Variants in MICAL3 observed in about 807,000 individuals in gnomAD.
The protein encoded by MICAL3 is microtubule associated monooxygenase, calponin and LIM domain containing 3, also known as [F-actin]-monooxygenase MICAL3.
In MICAL3, 62 loss-of-function variants were observed where a neutral mutation model predicts 207.4. The observed-to-expected ratio is 0.30, with a 90% confidence interval of 0.24 to 0.37. MICAL3 has a LOEUF of 0.37. Ranked by LOEUF, MICAL3 falls within the 10% of genes least tolerant of loss-of-function variation. MICAL3 has a pLI of 1.00. For missense variants in MICAL3, 2,368 were observed against 2,635.6 expected (o/e 0.90, Z 2.22); for synonymous variants, 1,077 against 1,069.3 (o/e 1.01, Z -0.14).
At position 17,808,873 on chromosome 22, in the gene MICAL3, G is replaced by C; in HGVS notation, c.5621C>G (p.Ala1874Gly). The C allele has an allele frequency of 6.4e-7, 1 of 1,553,074 alleles. No individual in the cohort carries two copies. Among genetic ancestry groups the C allele is most frequent in the Non-Finnish European group, 8.7e-7 (1 of 1,148,084 alleles). The change falls in exon 29 of 32, where the codon GCT becomes GGT. Residue 1874 changes from alanine (A) to glycine (G), a missense_variant. Around this residue, in one of 4 missense-constraint regions of MICAL3, gnomAD observed 1,770 missense variants for 1,863.2 expected, o/e 0.95. Transcript: ENST00000441493. ...RQRRLEERGV[A>G]VEKALRGEAG... is the part of the protein sequence containing the mutation. Reference sequence around the variant, plus strand: ...TTCGCCCCGGAGCGCCTTCTCCACAGCCACGCCCCTTTCCTCCAGCCGCCG... The same window carrying C: ...TTCGCCCCGGAGCGCCTTCTCCACACCCACGCCCCTTTCCTCCAGCCGCCG...
chr22:17,875,395 G>C (rs866523071), intron 16 of MICAL3: 1 of 1,187,084 alleles, frequency 8.4e-7, no homozygotes, highest in South Asian at 1.6e-5. Flanking sequence ...CGAAAGTGAC[G>C]TGAGTGGAGG....
Position 17,990,297 on chromosome 22 carries a change from A to C in MICAL3, c.-75+33984T>G, listed in dbSNP as rs1602360616. Among the ~76,000 whole-genome samples the C allele has an allele frequency of 2.6e-5, 4 of 152,282 alleles. No homozygotes were observed. In the South Asian group the frequency reaches 8.3e-4, roughly 32 times the overall value. On this transcript the variant is annotated intron_variant, in intron 1 of 31. Coordinates refer to ENST00000441493, the MANE Select transcript of MICAL3 (RefSeq NM_015241.3). The stretch of plus-strand genomic sequence containing the variant: ...TCATTCTCACCCATCCAAACACCGC[A>C]AAGAAACCTGTGCTGACTCACTGGA...
chr22:17,867,345 G>A (rs1927258752), intron 17 of MICAL3, among the ~76,000 whole-genome samples: 1 of 152,232 alleles, frequency 6.6e-6, no homozygotes, highest in Admixed American at 6.5e-5. Context: ...TTCTCCACCA[G>A]GGGAGTGGAG....
chr22:17,877,480 A>G (rs1214499469), intron 16 of MICAL3, among the ~76,000 whole-genome samples: 1 of 131,076 alleles, frequency 7.6e-6, no homozygotes, highest in Non-Finnish European at 1.6e-5. Context: ...GAGGTTAGGG[A>G]GGTTATGGAG....
chr22:17,830,465 G>A (rs1922685151), intron 21 of MICAL3, among the ~76,000 whole-genome samples: 1 of 152,250 alleles, frequency 6.6e-6, no homozygotes, highest in African/African-American at 2.4e-5. Flanking sequence ...AAAAGGGAAC[G>A]TGCTTCGACC....
At chr22:17,850,203 G>A (rs531384099) in intron 19 of MICAL3, among the ~76,000 whole-genome samples, 1 of 152,050 alleles carries the variant, frequency 6.6e-6, no homozygotes, top group South Asian at 2.1e-4. Flanking sequence ...AAACCCAATA[G>A]GGAACAAACC....
chr22:17,832,247 G>C (rs1474251331), intron 20 of MICAL3, 140 bp from the exon 21 acceptor site: 2 of 1,143,542 alleles, frequency 1.7e-6, no homozygotes, highest in Non-Finnish European at 2.4e-6. Context: ...AGGGAGGAGA[G>C]AGCGGCATCA....
Position 17,902,504 on chromosome 22 carries a change from C to T in MICAL3, c.589+127G>A. 1 of 590,234 alleles carries T rather than the reference C, an allele frequency of 1.7e-6. No individual in the cohort carries two copies. Among genetic ancestry groups the T allele is most frequent in the East Asian group, 2.9e-5 (1 of 34,820 alleles). The allele number at this position is 590,234 out of a possible 1,614,324, so 36.6% of individuals were successfully genotyped here. A position where few individuals can be genotyped will look rare whatever the true frequency, so the allele number is the denominator to read the frequency against. ...CTAAGGCTGCATCCAGGCCAAGTCC[C>T]CAAAGGCACAGGCTTTGGCTAGCTC... On this transcript the variant is annotated intron_variant, in intron 4 of 31. Transcript: ENST00000441493. This position sits in a 1 kb window ranked among gnomAD's most constrained non-coding sequence, Gnocchi z 4.5.
At chr22:17,897,934 G>A (rs1742645292) in intron 7 of MICAL3, among the ~76,000 whole-genome samples, 5 of 152,152 alleles carry the variant, frequency 3.3e-5, no homozygotes, top group Admixed American at 1.3e-4. Flanking sequence ...CTCTGAAAGT[G>A]GGGCCTACGG....
chr22:17,819,942 CAAAAAAAAAAAAA>C (rs58418733), intron 25 of MICAL3, among the ~76,000 whole-genome samples: 10 of 67,662 alleles, frequency 1.5e-4, no homozygotes, highest in South Asian at 7.0e-4. Context: ...GACTCCATCT[CAAAAAAAAAAAAA>C]AAAAAAAAAA....
At position 17,789,941 on chromosome 22, in the gene MICAL3, A is replaced by T. The variant is rs1271281350; in HGVS notation, c.*791T>A. On this transcript the variant is annotated 3_prime_UTR_variant, in exon 32 of 32. Coordinates refer to ENST00000441493, the MANE Select transcript of MICAL3 (RefSeq NM_015241.3). Reference sequence around the variant, plus strand: ...AAGGTCATCTCCTGTCCCGACATAAATGTGGAACAGGGACAATGCCTGTCT... The same window carrying T: ...AAGGTCATCTCCTGTCCCGACATAATTGTGGAACAGGGACAATGCCTGTCT... 1 of 152,238 alleles carries T rather than the reference A, an allele frequency of 6.6e-6. No individual in the cohort carries two copies. Among genetic ancestry groups the T allele is most frequent in the African/African-American group, 2.4e-5 (1 of 41,452 alleles). The allele number at this position is 152,238 out of a possible 1,614,324, so 9.4% of individuals were successfully genotyped here. A position where few individuals can be genotyped will look rare whatever the true frequency, so the allele number is the denominator to read the frequency against.
chr22:17,805,120 G>A (rs1281858734), intron 29 of MICAL3, among the ~76,000 whole-genome samples: 1 of 152,236 alleles, frequency 6.6e-6, no homozygotes, highest in African/African-American at 2.4e-5. Context: ...ACCCCCAAGT[G>A]AGATGATGGC....
intron 1 of MICAL3, among the ~76,000 whole-genome samples, chr22:17,976,614 G>C (rs1346827664): frequency 2.1e-5 from 2 of 94,034 alleles, no homozygotes. Context: ...TTTTGAGACA[G>C]AGTCTCACTC....
At chr22:18,016,167 C>A (rs1056421844) in intron 1 of MICAL3, among the ~76,000 whole-genome samples, 5 of 152,074 alleles carry the variant, frequency 3.3e-5, no homozygotes, top group Non-Finnish European at 1.5e-5. Flanking sequence ...TTTACTGTAA[C>A]CTCAATAGCA....
At chr22:17,945,105 C>T (rs1358245044) in intron 1 of MICAL3, among the ~76,000 whole-genome samples, 1 of 150,268 alleles carries the variant, frequency 6.7e-6, no homozygotes, top group Non-Finnish European at 1.5e-5. Flanking sequence ...TCAGTCTATA[C>T]CTATTAGGGC....
Position 17,889,142 on chromosome 22 carries a change from T to A in MICAL3, c.1783A>T (p.Ile595Phe). The change falls in exon 13 of 32, where the codon ATC becomes TTC. Residue 595 changes from isoleucine (I) to phenylalanine (F), a missense_variant. Ile to Phe is a conservative substitution (Grantham distance 21, BLOSUM62 0). Transcript: ENST00000441493. ...GAGGCCATTTCTTTGCCTGTCATGATGGGAGAAATGCCCAATTCCTTCTCA... is the reference window on the plus strand; with the variant it reads ...GAGGCCATTTCTTTGCCTGTCATGAAGGGAGAAATGCCCAATTCCTTCTCA... ...IAEKELGISP[I>F]MTGKEMASVG... The A allele has an allele frequency of 6.2e-7, 1 of 1,613,850 alleles. No individual in the cohort carries two copies.
At position 17,891,455 on chromosome 22, in the gene MICAL3, A is replaced by T. The variant is rs1194995906; in HGVS notation, c.1694+30T>A. 1.9e-5 allele frequency: 30 copies of T among 1,609,790 alleles called. No individual in the cohort carries two copies. In the East Asian group the frequency reaches 2.7e-4, roughly 14 times the overall value. On this transcript the variant is annotated intron_variant, in intron 12 of 31. Transcript: ENST00000441493. The stretch of plus-strand genomic sequence containing the variant: ...GTGGTCTGAGATCCTTGAGGAGTAT[A>T]AAAAAACACAAAGTTTGATCACAAC...
At chr22:18,003,541 A>G (rs1923182226) in intron 1 of MICAL3, among the ~76,000 whole-genome samples, 1 of 152,134 alleles carries the variant, frequency 6.6e-6, no homozygotes, top group Admixed American at 6.5e-5. Context: ...TCAACCACAC[A>G]TGGCCAATTG....
At chr22:17,884,384 T>C (rs774358914) in intron 16 of MICAL3, 3 of 1,557,306 alleles carry the variant, frequency 1.9e-6, no homozygotes, top group Non-Finnish European at 2.6e-6. Flanking sequence ...CAAGTGTGGG[T>C]GGGGACAGGA....
Sources: gnomAD v4.1 joint callset for allele counts (sites outside exome capture counted in the v4.1 genomes callset) on GRCh38, gnomAD v4.1.1 for gene constraint, gnomAD v4.1.1 regional missense constraint, Gnocchi (gnomAD v3.1) non-coding constraint, MANE v1.5 for transcripts, NCBI Gene and HGNC (gene_info 2026-07-23, HGNC 2026-07-21) for gene names.